ZNF510: variants seen among roughly 807,000 people sequenced by gnomAD.
The protein encoded by ZNF510 is zinc finger protein 510.
A neutral mutation model predicts 18.1 loss-of-function variants in ZNF510; 15 were observed. The ratio of observed to expected loss-of-function variants is 0.83; its 90% CI spans 0.55 to 1.28. The LOEUF is 1.28. Ranked by LOEUF, ZNF510 falls within the 50% of genes most tolerant of loss-of-function variation. The pLI is 0.00. For synonymous variants in ZNF510, 261 were observed against 266.4 expected (o/e 0.98, Z 0.20); for missense variants, 724 against 791.8 (o/e 0.91, Z 1.03).
rs1230354540 is a variant in ZNF510, at chr9:96,756,365, A to C, written c.*2413T>G. 6.6e-6 allele frequency: 1 copy of C among 152,160 alleles called. No homozygotes were observed. Among genetic ancestry groups the C allele is most frequent in the Non-Finnish European group, 1.5e-5 (1 of 68,048 alleles). The allele number at this position is 152,160 out of a possible 1,614,324, so 9.4% of individuals were successfully genotyped here. A position where few individuals can be genotyped will look rare whatever the true frequency, so the allele number is the denominator to read the frequency against. On this transcript the variant is annotated 3_prime_UTR_variant, in exon 6 of 6. Coordinates refer to ENST00000223428, the MANE Select transcript of ZNF510 (RefSeq NM_014930.3). ...GATCCTAGTAGTTTCAGTTGGCGAA[A>C]GCATCAGTGAGCCAGGCCCAATTAC...
chr9:96,770,587 G>C (rs1310835246), intron 3 of ZNF510, among the ~76,000 whole-genome samples: 1 of 148,762 alleles, frequency 6.7e-6, no homozygotes, highest in Non-Finnish European at 1.5e-5. Context: ...TGAGCGACAA[G>C]AGCAAAACTC....
rs1324049728 is a variant in ZNF510 at position 96,757,948 on chromosome 9, G to A, written c.*830C>T. On this transcript the variant is annotated 3_prime_UTR_variant, in exon 6 of 6. Coordinates refer to ENST00000223428, the MANE Select transcript of ZNF510 (RefSeq NM_014930.3). ...ATACACTGTGGATATGCTAGACTAA[G>A]GAATGATTCAATAACCCTCATGGGA... 1 of 152,182 alleles carries A rather than the reference G, an allele frequency of 6.6e-6. No homozygotes were observed. Among genetic ancestry groups the A allele is most frequent in the Admixed American group, 6.5e-5 (1 of 15,278 alleles). The allele number at this position is 152,182 out of a possible 1,614,324, so 9.4% of individuals were successfully genotyped here.
chr9:96,763,380 T>C (rs971164048), intron 4 of ZNF510, 126 bp downstream of exon 4: 1 of 1,354,080 alleles, frequency 7.4e-7, no homozygotes, highest in Non-Finnish European at 1.0e-6. Context: ...GCATAGTTAC[T>C]TTGGAATCCT....
rs1849381381 is a variant in ZNF510, at chr9:96,762,680, A to ATATC, written c.352+434_352+437dup. Among the ~76,000 whole-genome samples, 3 of 152,148 alleles carry ATATC rather than the reference A, an allele frequency of 2.0e-5. No individual in the cohort carries two copies. The South Asian group carries it at 6.2e-4, about 32-fold the overall frequency. On this transcript the variant is annotated intron_variant, in intron 5 of 5. Coordinates refer to ENST00000223428, the MANE Select transcript of ZNF510 (RefSeq NM_014930.3). Reference sequence around the variant, plus strand: ...CACTTCATATCTGTTATTTCACCTCATATCTCACTTCATATATTATTTTGT... The same window carrying ATATC: ...CACTTCATATCTGTTATTTCACCTCATATCTATCTCACTTCATATATTATTTTGT...
At chr9:96,770,084 A>G (rs1039234246) in intron 3 of ZNF510, among the ~76,000 whole-genome samples, 1 of 152,192 alleles carries the variant, frequency 6.6e-6, no homozygotes, top group African/African-American at 2.4e-5. Flanking sequence ...CCAAGAGAAA[A>G]CAGGTGTCCA....
chr9:96,767,282 C>T (rs892063647), intron 3 of ZNF510, among the ~76,000 whole-genome samples: 38 of 152,144 alleles, frequency 2.5e-4, no homozygotes, highest in African/African-American at 8.7e-4. Flanking sequence ...GAGCTGATAT[C>T]GTGCCACTAC....
At position 96,776,018 on chromosome 9, in the gene ZNF510, CCA is replaced by C. The variant is rs1564443170; in HGVS notation, c.50_51del (p.Val17GlyfsTer106). 6 of 1,609,238 alleles carry C rather than the reference CCA, an allele frequency of 3.7e-6. No homozygotes were observed. The highest frequency in any genetic ancestry group is 2.2e-5 in the East Asian group (1 of 44,842). On this transcript the variant is annotated frameshift_variant, in exon 2 of 6. Transcript: ENST00000223428. LOFTEE classifies it high-confidence loss of function. ...AGCTTACCACCTTCTGCAAGTTGGC[CCA>C]CAGTGTTCAGTGTCACACAATCTGT... ...AITDCVTLNTVGQLAEGGYPL... is the reference protein window; with the variant it reads ...AITDCVTLNTXGQLAEGGYPL...
rs1313160252 is a variant in ZNF510, at chr9:96,762,973, TATTA to T, written c.352+141_352+144del. ...TTCTTACTTTTAATGGAATCAACTT[TATTA>T]ATTATTTTCTTTTAACTGCTGCTTT... On this transcript the variant is annotated intron_variant, in intron 5 of 5. Transcript: ENST00000223428. 6.4e-5 allele frequency: 41 copies of T among 643,014 alleles called. 1 individual carries two copies. The highest frequency in any genetic ancestry group is 2.6e-4 in the African/African-American group (14 of 54,484). The allele number at this position is 643,014 out of a possible 1,614,324, so 39.8% of individuals were successfully genotyped here.
chr9:96,769,482 A>G (rs1325191045), intron 3 of ZNF510, among the ~76,000 whole-genome samples: 1 of 152,056 alleles, frequency 6.6e-6, no homozygotes, highest in Non-Finnish European at 1.5e-5. Flanking sequence ...AGACCTAAAT[A>G]TAAGAGTTTA....
At chr9:96,774,871 G>A (rs369777085) in intron 2 of ZNF510, 25 bp from the exon 3 acceptor site, 4 of 1,610,498 alleles carry the variant, frequency 2.5e-6, no homozygotes, top group Non-Finnish European at 8.5e-7. Flanking sequence ...GGAGTCATGA[G>A]AGATCTGGGC....
At chr9:96,762,833 G>A (rs1055186942) in intron 5 of ZNF510, 17 of 207,760 alleles carry the variant, frequency 8.2e-5, no homozygotes, top group African/African-American at 2.1e-4. Flanking sequence ...ACAATGACTC[G>A]CAGAAGTTCT....
intron 5 of ZNF510, among the ~76,000 whole-genome samples, chr9:96,762,204 T>TTA (rs775696790): frequency 1.0e-5 from 1 of 99,460 alleles, no homozygotes; most frequent in African/African-American, 4.1e-5. Context: ...CTGTGGAAAT[T>TTA]AAAAAAAAAA....
At chr9:96,767,404 T>C (rs1849498262) in intron 3 of ZNF510, among the ~76,000 whole-genome samples, 1 of 152,052 alleles carries the variant, frequency 6.6e-6, no homozygotes, top group Admixed American at 6.6e-5. Flanking sequence ...TTACTCACAA[T>C]GAATACACAA....
In ZNF510 at chr9:96,760,484, CAG is replaced by C. The variant is rs747333609; in HGVS notation, c.353-9_353-8del. 1.1e-5 allele frequency: 17 copies of C among 1,577,234 alleles called. No homozygotes were observed. In the Admixed American group the frequency reaches 2.9e-4, roughly 27 times the overall value. On this transcript the variant is annotated splice_polypyrimidine_tract_variant and splice_region_variant and intron_variant, in intron 5 of 5. Transcript: ENST00000223428. ...TCATCACCTCTGTAATCTTCTAAAA[CAG>C]AAATATTGAAAACATCTTATGACTC...
At chr9:96,762,462 T>C (rs1187654653) in intron 5 of ZNF510, among the ~76,000 whole-genome samples, 9 of 149,382 alleles carry the variant, frequency 6.0e-5, no homozygotes, top group East Asian at 1.9e-4. Context: ...TGAGCCAAGA[T>C]TGCACCACTG....
intron 5 of ZNF510, 94 bp from the exon 6 acceptor site, chr9:96,760,571 G>A: frequency 9.1e-7 from 1 of 1,102,330 alleles, no homozygotes; most frequent in Non-Finnish European, 1.2e-6. Context: ...CTAATTATTT[G>A]ATTTATCAAG....
chr9:96,759,048 G>GT lies in ZNF510; in HGVS notation c.1781dup (p.His594GlnfsTer8), dbSNP rs751439393. On this transcript the variant is annotated frameshift_variant, in exon 6 of 6. Transcript: ENST00000223428. LOFTEE classifies it low-confidence loss of function (END_TRUNC). Reference sequence around the variant, plus strand: ...TACATTTAAATGGTTTCTCCCCAGTGTGAATTCTTTGATGCACTCTGAGGG... The same window carrying GT: ...TACATTTAAATGGTTTCTCCCCAGTGTTGAATTCTTTGATGCACTCTGAGGG... 3.7e-6 allele frequency: 6 copies of GT among 1,614,036 alleles called. No homozygotes were observed. The East Asian group carries it at 6.7e-5, about 18-fold the overall frequency.
At chr9:96,772,121 G>A (rs973820968) in intron 3 of ZNF510, among the ~76,000 whole-genome samples, 1 of 152,104 alleles carries the variant, frequency 6.6e-6, no homozygotes. Flanking sequence ...CATTAGACCC[G>A]CATACAAGTC....
Position 96,758,990 on chromosome 9 carries a change from T to C in ZNF510, c.1840A>G (p.Ile614Val), listed in dbSNP as rs147318678. ...TGAATTCTCTGATGATCACTAAGGATTGCTTTCCGGACAAATTTCTTCCCA... is the reference window on the plus strand; with the variant it reads ...TGAATTCTCTGATGATCACTAAGGACTGCTTTCCGGACAAATTTCTTCCCA... ...ECGKKFVRKA[I>V]LSDHQRIHTG... The change falls in exon 6 of 6, where the codon ATC (isoleucine) becomes GTC (valine). Residue 614 changes from isoleucine to valine, a missense_variant. Ile to Val is a conservative substitution (Grantham distance 29). Transcript: ENST00000223428. 244 of 1,613,772 alleles carry C rather than the reference T, an allele frequency of 1.5e-4. No homozygotes were observed. Among genetic ancestry groups the C allele is most frequent in the Non-Finnish European group, 1.9e-4 (224 of 1,179,954 alleles).
Sources: gnomAD v4.1 joint callset for allele counts (sites outside exome capture counted in the v4.1 genomes callset) on GRCh38, gnomAD v4.1.1 for gene constraint, MANE v1.5 for transcripts, NCBI Gene and HGNC (gene_info 2026-07-23, HGNC 2026-07-21) for gene names.